FCHO2: variants seen among roughly 807,000 people sequenced by gnomAD.
FCHO2 encodes F-BAR domain only protein 2.
In FCHO2, 43 loss-of-function variants were observed where a neutral mutation model predicts 114.1. That is an observed-to-expected ratio of 0.38 (90% CI 0.30 to 0.49). FCHO2 has a LOEUF of 0.49. Among genes scored for constraint, FCHO2 ranks in the 20% least tolerant of loss-of-function variants. The probability of loss-of-function intolerance (pLI) is 0.97; values close to 1 mark genes in which losing one functional copy is unlikely to be tolerated. For synonymous variants in FCHO2, 293 were observed against 315.2 expected, an observed-to-expected ratio of 0.93 and a Z score of 0.75; for missense variants, 807 against 950.4, an observed-to-expected ratio of 0.85 and a Z score of 1.98.
intron 24 of FCHO2, 39 bp downstream of exon 24, chr5:73,082,864 C>A: frequency 5.5e-6 from 8 of 1,455,690 alleles, no homozygotes; most frequent in Admixed American, 2.4e-5. Context: ...AAAATGATGT[C>A]ACTGAAAATT....
intron 2 of FCHO2, among the ~76,000 whole-genome samples, chr5:72,971,242 T>C (rs1201723501): frequency 6.6e-6 from 1 of 152,038 alleles, no homozygotes; most frequent in Admixed American, 6.6e-5. Flanking sequence ...GGTCAAATGG[T>C]ATTTCTAGTT....
chr5:73,009,526 GT>G (rs1018429427), intron 6 of FCHO2, among the ~76,000 whole-genome samples: 1 of 151,762 alleles, frequency 6.6e-6, no homozygotes, highest in African/African-American at 2.4e-5. Flanking sequence ...TGCCTTTCTG[GT>G]TTTTTTGTTT....
At chr5:73,018,703 C>G (rs1437384780) in intron 8 of FCHO2, among the ~76,000 whole-genome samples, 1 of 152,170 alleles carries the variant, frequency 6.6e-6, no homozygotes, top group Admixed American at 6.5e-5. Context: ...AGATCAGTGT[C>G]AGACATTCTT....
chr5:72,979,277 C>T (rs1469236467), intron 2 of FCHO2, among the ~76,000 whole-genome samples: 2 of 150,938 alleles, frequency 1.3e-5, no homozygotes, highest in Non-Finnish European at 2.9e-5. Context: ...TAATTACTGC[C>T]TCAATTTCAG....
At chr5:73,061,719 A>C (rs766156903) in intron 17 of FCHO2, among the ~76,000 whole-genome samples, 5 of 152,102 alleles carry the variant, frequency 3.3e-5, no homozygotes, top group African/African-American at 4.8e-5. Flanking sequence ...TGAACTTGTT[A>C]CAATTAATAG....
chr5:73,083,577 T>C (rs907714560), intron 24 of FCHO2, among the ~76,000 whole-genome samples: 1 of 152,206 alleles, frequency 6.6e-6, no homozygotes, highest in Non-Finnish European at 1.5e-5. Context: ...AGAAATCATG[T>C]AGACGCTTCC....
intron 5 of FCHO2, among the ~76,000 whole-genome samples, chr5:72,999,937 G>A (rs1488316465): frequency 6.6e-6 from 1 of 152,182 alleles, no homozygotes; most frequent in Non-Finnish European, 1.5e-5. Context: ...TACTTGTAAA[G>A]CACAGTTTCC....
chr5:73,001,319 A>T (rs1754421838), intron 5 of FCHO2, among the ~76,000 whole-genome samples: 1 of 151,864 alleles, frequency 6.6e-6, no homozygotes, highest in South Asian at 2.1e-4. Flanking sequence ...GGTGGCACAT[A>T]CCTGTAGTCC....
chr5:73,011,754 T>C (rs767447005), intron 6 of FCHO2, among the ~76,000 whole-genome samples: 2 of 152,028 alleles, frequency 1.3e-5, no homozygotes, highest in Admixed American at 6.6e-5. Flanking sequence ...TTAATAAAAA[T>C]ACAGAAATTA....
At chr5:72,968,461 GT>G (rs760846562) in intron 1 of FCHO2, 36 bp from the exon 2 acceptor site, 13 of 1,388,048 alleles carry the variant, frequency 9.4e-6, no homozygotes, top group Middle Eastern at 1.8e-4. Flanking sequence ...ATTTTTATCT[GT>G]TTTTTTATGA....
At chr5:72,997,236 A>G (rs573108183) in intron 5 of FCHO2, 21 of 1,151,866 alleles carry the variant, frequency 1.8e-5, no homozygotes, top group South Asian at 3.7e-5. Flanking sequence ...TTCTTTGTAC[A>G]TTAGAGGCCC....
intron 1 of FCHO2, among the ~76,000 whole-genome samples, chr5:72,956,776 C>CT (rs902167332): frequency 2.6e-5 from 4 of 152,100 alleles, no homozygotes; most frequent in African/African-American, 9.7e-5. Context: ...GCATGGAGAC[C>CT]TCCCCCTACT....
intron 6 of FCHO2, among the ~76,000 whole-genome samples, chr5:73,013,742 A>G (rs1755149695): frequency 6.6e-6 from 1 of 152,092 alleles, no homozygotes; most frequent in South Asian, 2.1e-4. Context: ...ATCTTGGCTC[A>G]CTGCAATCTC....
intron 18 of FCHO2, 138 bp from the exon 19 acceptor site, chr5:73,068,512 G>T: frequency 1.4e-6 from 1 of 706,146 alleles, no homozygotes; most frequent in African/African-American, 1.8e-5. Flanking sequence ...ATGATATATG[G>T]CATCTCTGAT....
intron 2 of FCHO2, among the ~76,000 whole-genome samples, chr5:72,977,146 TG>T (rs1474125087): frequency 6.6e-6 from 1 of 152,196 alleles, no homozygotes; most frequent in African/African-American, 2.4e-5. Flanking sequence ...TAGCCAGTAA[TG>T]GGATTGCTGG....
chr5:72,972,686 C>G (rs1752625181), intron 2 of FCHO2, among the ~76,000 whole-genome samples: 1 of 152,090 alleles, frequency 6.6e-6, no homozygotes, highest in Non-Finnish European at 1.5e-5. Context: ...AGTTGAATGC[C>G]CTTTATTTCC....
At chr5:73,087,079 T>C (rs1214556725) in intron 24 of FCHO2, among the ~76,000 whole-genome samples, 4 of 152,198 alleles carry the variant, frequency 2.6e-5, no homozygotes, top group African/African-American at 7.2e-5. Context: ...ATGGTGATGA[T>C]ACTAGAAACA....
rs1444704932 is a variant in FCHO2, at chr5:73,020,860, A to C, written c.796+3552A>C. 8.1e-6 allele frequency: 8 copies of C among 982,984 alleles called. No homozygotes were observed. In the East Asian group the frequency reaches 1.9e-4, roughly 23 times the overall value. 60.9% of individuals were successfully genotyped at this position (982,984 alleles called of 1,614,324 possible). A position where few individuals can be genotyped will look rare whatever the true frequency, so the allele number is the denominator to read the frequency against. On this transcript the variant is annotated intron_variant, in intron 8 of 25. Coordinates refer to ENST00000430046, the MANE Select transcript of FCHO2 (RefSeq NM_138782.3). Reference sequence around the variant, plus strand: ...CTCATCTGAGATATTTACTCTGACCATTAAGTGTAGCACCTGTATCAGCTC... The same window carrying C: ...CTCATCTGAGATATTTACTCTGACCCTTAAGTGTAGCACCTGTATCAGCTC...
intron 11 of FCHO2, among the ~76,000 whole-genome samples, chr5:73,041,554 G>T (rs1021697925): frequency 6.6e-5 from 10 of 152,016 alleles, no homozygotes; most frequent in African/African-American, 1.9e-4. Flanking sequence ...TTTTAAAATT[G>T]GAGTGGTGCC....
Sources: allele counts gnomAD v4.1 joint callset (sites outside exome capture counted in the v4.1 genomes callset), GRCh38; gene constraint gnomAD v4.1.1; transcripts MANE v1.5; gene names NCBI Gene and HGNC (gene_info 2026-07-23, HGNC 2026-07-21).